The following VAV3 variants were observed in gnomAD, a reference collection of about 807,000 sequenced individuals.
The protein encoded by VAV3 is vav guanine nucleotide exchange factor 3.
A neutral mutation model predicts 131.2 loss-of-function variants in VAV3; 94 were observed. That is an observed-to-expected ratio of 0.72 (90% confidence interval 0.61 to 0.85). The LOEUF (loss-of-function observed/expected upper bound fraction) is 0.85, where lower values mean the gene tolerates loss of function less well. Among genes scored for constraint, VAV3 ranks in the 40% least tolerant of loss-of-function variants. The pLI, the probability that VAV3 is intolerant of heterozygous loss-of-function variation, is 0.00. For synonymous variants in VAV3, 349 were observed against 342.0 expected (o/e 1.02, Z -0.22); for missense variants, 939 against 1,002.7 (o/e 0.94, Z 0.86).
intron 19 of VAV3, among the ~76,000 whole-genome samples, chr1:107,650,680 G>C (rs928969589): frequency 2.7e-5 from 4 of 149,668 alleles, no homozygotes; most frequent in African/African-American, 7.4e-5. Context: ...TTTAGCATTA[G>C]GTATATCTTC....
At chr1:107,609,839 T>C in intron 22 of VAV3, 92 bp downstream of exon 22, 1 of 1,272,586 alleles carries the variant, frequency 7.9e-7, no homozygotes, top group Non-Finnish European at 1.1e-6. Flanking sequence ...CAAATGGAAA[T>C]GGAATATGGT....
intron 15 of VAV3, among the ~76,000 whole-genome samples, chr1:107,722,840 C>CTTTTTTTT (rs374127110): frequency 0.14 from 17,943 of 129,018 alleles, 1,679 homozygotes; most frequent in East Asian, 0.27. Flanking sequence ...ATTATCCTCT[C>CTTTTTTTT]TTTTTTTTTT....
intron 1 of VAV3, among the ~76,000 whole-genome samples, chr1:107,917,022 G>A (rs541095987): frequency 6.6e-6 from 1 of 152,272 alleles, no homozygotes; most frequent in South Asian, 2.1e-4. Context: ...AAATGTTGGT[G>A]ACGATCAGAT....
At chr1:107,820,558 G>C (rs1006861117) in intron 2 of VAV3, among the ~76,000 whole-genome samples, 6 of 152,068 alleles carry the variant, frequency 3.9e-5, no homozygotes, top group African/African-American at 1.4e-4. Context: ...TAACACAACA[G>C]AGTGATTACA....
chr1:107,575,020 C>CTGTGT (rs1649539389), intron 25 of VAV3, among the ~76,000 whole-genome samples: 1 of 71,004 alleles, frequency 1.4e-5, no homozygotes, highest in Non-Finnish European at 2.9e-5. Flanking sequence ...CGCGCGCACA[C>CTGTGT]GCGCGCGTGT....
intron 17 of VAV3, chr1:107,688,627 G>T (rs1319718457): frequency 1.6e-6 from 2 of 1,231,294 alleles, no homozygotes; most frequent in African/African-American, 1.5e-5. Context: ...AGTTTTAAAT[G>T]ACTTCTAGGT....
intron 15 of VAV3, among the ~76,000 whole-genome samples, chr1:107,709,605 A>G (rs2101871122): frequency 6.6e-6 from 1 of 152,316 alleles, no homozygotes; most frequent in East Asian, 1.9e-4. Flanking sequence ...TTTATCTTGT[A>G]GTTCCAATAA....
chr1:107,749,962 C>T (rs1430490008), intron 13 of VAV3, among the ~76,000 whole-genome samples: 7 of 151,912 alleles, frequency 4.6e-5, no homozygotes, highest in East Asian at 3.9e-4. Context: ...TAATGACATC[C>T]GTAGCAGCTT....
chr1:107,949,449 T>A (rs1268164714), intron 1 of VAV3, among the ~76,000 whole-genome samples: 1 of 151,982 alleles, frequency 6.6e-6, no homozygotes, highest in African/African-American at 2.4e-5. Flanking sequence ...TTGCTGGGAG[T>A]ACAGGCATGT....
At chr1:107,897,916 AGTC>A (rs1671678725) in intron 1 of VAV3, among the ~76,000 whole-genome samples, 1 of 152,172 alleles carries the variant, frequency 6.6e-6, no homozygotes. Context: ...TAAAACCCAA[AGTC>A]TCATAACCAC....
At chr1:107,692,601 T>G (rs1659495164) in intron 17 of VAV3, among the ~76,000 whole-genome samples, 1 of 152,134 alleles carries the variant, frequency 6.6e-6, no homozygotes, top group African/African-American at 2.4e-5. Flanking sequence ...TATGTTAAAA[T>G]GTAAAATATG....
chr1:107,832,297 T>A (rs933869409), intron 2 of VAV3, among the ~76,000 whole-genome samples: 1 of 152,216 alleles, frequency 6.6e-6, no homozygotes, highest in African/African-American at 2.4e-5. Flanking sequence ...CTAAATATAA[T>A]GCCGGAGGAA....
At chr1:107,851,722 A>C (rs2100957648) in intron 2 of VAV3, among the ~76,000 whole-genome samples, 1 of 152,246 alleles carries the variant, frequency 6.6e-6, no homozygotes, top group East Asian at 1.9e-4. Flanking sequence ...TATAATAGAG[A>C]AGATTTTTTA....
At chr1:107,776,481 G>A (rs947017776) in intron 4 of VAV3, among the ~76,000 whole-genome samples, 6 of 152,176 alleles carry the variant, frequency 3.9e-5, no homozygotes, top group African/African-American at 4.8e-5. Flanking sequence ...AAACTTGAAC[G>A]CTGAGGGATC....
At chr1:107,624,104 G>A (rs1653811109) in intron 20 of VAV3, among the ~76,000 whole-genome samples, 1 of 152,000 alleles carries the variant, frequency 6.6e-6, no homozygotes, top group African/African-American at 2.4e-5. Flanking sequence ...AGATGGAAGT[G>A]TCAAAAACCC....
At chr1:107,575,238 G>T (rs939659171) in intron 25 of VAV3, among the ~76,000 whole-genome samples, 1 of 152,118 alleles carries the variant, frequency 6.6e-6, no homozygotes, top group Non-Finnish European at 1.5e-5. Context: ...ACTCATCGGA[G>T]GTTGGTGAAA....
intron 1 of VAV3, among the ~76,000 whole-genome samples, chr1:107,903,576 G>C (rs1164901824): frequency 6.6e-6 from 1 of 152,148 alleles, no homozygotes; most frequent in East Asian, 1.9e-4. Context: ...CTCAAAGTGT[G>C]GCAAAGACAG....
chr1:107,658,303 A>T (rs919115849), intron 19 of VAV3, among the ~76,000 whole-genome samples: 2 of 152,192 alleles, frequency 1.3e-5, no homozygotes, highest in Non-Finnish European at 2.9e-5. Flanking sequence ...GCTGCATAGT[A>T]TTCCACGGTG....
chr1:107,941,763 C>T (rs1298569649), intron 1 of VAV3, among the ~76,000 whole-genome samples: 1 of 152,154 alleles, frequency 6.6e-6, no homozygotes, highest in East Asian at 1.9e-4. Context: ...CTTACTTTCT[C>T]TTTAACTTCC....
Sources: allele counts gnomAD v4.1 joint callset (sites outside exome capture counted in the v4.1 genomes callset), GRCh38; gene constraint gnomAD v4.1.1; transcripts MANE v1.5; gene names NCBI Gene and HGNC (gene_info 2026-07-23, HGNC 2026-07-21).